GRM8: variants seen among roughly 807,000 people sequenced by gnomAD.
GRM8 encodes glutamate metabotropic receptor 8.
In GRM8, 47 loss-of-function variants were observed where a neutral mutation model predicts 87.2. The observed-to-expected ratio is 0.54, with a 90% CI of 0.43 to 0.69. The LOEUF (loss-of-function observed/expected upper bound fraction) is 0.69, where lower values mean the gene tolerates loss of function less well. Among genes scored for constraint, GRM8 ranks in the 30% least tolerant of loss-of-function variants. The pLI is 0.00. For missense variants in GRM8, 1,019 were observed against 1,139.2 expected (o/e 0.89, Z 1.52); for synonymous variants, 396 against 404.5 (o/e 0.98, Z 0.25).
chr7:126,809,157 T>C lies in GRM8; in HGVS notation c.1157-39092A>G, dbSNP rs536943385. ...AAAGAAGCAGTGGGGCATCTTGAAA[T>C]CTCTCTAACACAAGCCTTCTTCTTC... On this transcript the variant is annotated intron_variant, in intron 6 of 10. Coordinates refer to ENST00000339582, the MANE Select transcript of GRM8 (RefSeq NM_000845.3). Among the ~76,000 whole-genome samples, 8 of 152,270 alleles carry C rather than the reference T, an allele frequency of 5.3e-5. No individual in the cohort carries two copies. In the South Asian group the frequency reaches 1.7e-3, roughly 32 times the overall value.
In GRM8 at chr7:126,439,345, G is replaced by C. The variant is rs143544239; in HGVS notation, c.2678-177C>G. Among the ~76,000 whole-genome samples the C allele has an allele frequency of 7.2e-5, 11 of 152,130 alleles. No individual in the cohort carries two copies. In the East Asian group the frequency reaches 2.1e-3, roughly 29 times the overall value. On this transcript the variant is annotated intron_variant, in intron 10 of 10. Transcript: ENST00000339582. ...GCACAGCACAACGACATTTGAGCTC[G>C]ACAGCAGACTGCATTATATAAAGGT...
chr7:126,877,025 A>C (rs1799580083), intron 6 of GRM8, among the ~76,000 whole-genome samples: 1 of 151,966 alleles, frequency 6.6e-6, no homozygotes, highest in Non-Finnish European at 1.5e-5. Flanking sequence ...TCTACTACTC[A>C]GGGCAAACTT....
chr7:126,880,232 A>G (rs944359250), intron 6 of GRM8, among the ~76,000 whole-genome samples: 6 of 152,212 alleles, frequency 3.9e-5, no homozygotes, highest in African/African-American at 1.4e-4. Context: ...CCAAAAGAGA[A>G]CATTTTCAAA....
chr7:126,494,585 A>T (rs911217898), intron 9 of GRM8, among the ~76,000 whole-genome samples: 4 of 152,056 alleles, frequency 2.6e-5, no homozygotes, highest in Admixed American at 1.3e-4. Context: ...CTTGAGGAAG[A>T]CAGGTAAATC....
chr7:127,047,684 A>G (rs1467766393), intron 3 of GRM8, among the ~76,000 whole-genome samples: 1 of 152,118 alleles, frequency 6.6e-6, no homozygotes, highest in Non-Finnish European at 1.5e-5. Context: ...AGAAACACTT[A>G]GCCAGGCATG....
chr7:126,770,384 G>C (rs199970085), intron 6 of GRM8, among the ~76,000 whole-genome samples: 2 of 152,018 alleles, frequency 1.3e-5, no homozygotes, highest in East Asian at 1.9e-4. Context: ...GTAGTGGCTT[G>C]ATCTTTTAAG....
At chr7:127,013,092 A>G (rs138983254) in intron 3 of GRM8, among the ~76,000 whole-genome samples, 5 of 152,218 alleles carry the variant, frequency 3.3e-5, no homozygotes, top group Non-Finnish European at 7.4e-5. Context: ...TGTGGTTGAA[A>G]CCACTTTTAA....
intron 9 of GRM8, among the ~76,000 whole-genome samples, chr7:126,508,081 A>C (rs1810760759): frequency 2.0e-5 from 3 of 151,876 alleles, no homozygotes; most frequent in Admixed American, 6.6e-5. Context: ...TAGAGTATTC[A>C]TTAATTATGA....
intron 3 of GRM8, among the ~76,000 whole-genome samples, chr7:126,915,696 G>T (rs544116316): frequency 1.3e-5 from 2 of 152,150 alleles, no homozygotes; most frequent in African/African-American, 4.8e-5. Flanking sequence ...TAAAAGAAGA[G>T]AACCAGGAAG....
intron 2 of GRM8, among the ~76,000 whole-genome samples, chr7:127,120,894 T>C (rs1017332365): frequency 1.3e-5 from 2 of 152,208 alleles, no homozygotes; most frequent in Non-Finnish European, 2.9e-5. Flanking sequence ...AATGCTAGCA[T>C]GGAGTTTATT....
rs180816855 is a variant in GRM8, at chr7:127,216,853, G to T, written c.510+25842C>A. 2.8e-4 allele frequency among the ~76,000 whole-genome samples: 43 copies of T among 151,640 alleles called. No homozygotes were observed. In the Middle Eastern group the frequency reaches 0.014, roughly 48 times the overall value. ...TAGAATATTCTTAGTTCTTTACATGGGTCCCACTTCTCATCATGAGTCTCA... is the reference window on the plus strand; with the variant it reads ...TAGAATATTCTTAGTTCTTTACATGTGTCCCACTTCTCATCATGAGTCTCA... On this transcript the variant is annotated intron_variant, in intron 2 of 10. Transcript: ENST00000339582.
intron 3 of GRM8, among the ~76,000 whole-genome samples, chr7:126,924,634 C>G (rs1200749501): frequency 6.6e-6 from 1 of 152,028 alleles, no homozygotes; most frequent in East Asian, 1.9e-4. Context: ...TTCTTTCCTC[C>G]CTTCCTTCTG....
chr7:126,891,355 C>T (rs1440902430), intron 6 of GRM8, among the ~76,000 whole-genome samples: 1 of 151,936 alleles, frequency 6.6e-6, no homozygotes, highest in African/African-American at 2.4e-5. Flanking sequence ...CAGTGTTATG[C>T]CTCACCAATA....
At chr7:126,608,986 T>A (rs17610771) in intron 8 of GRM8, among the ~76,000 whole-genome samples, 20,166 of 151,988 alleles carry the variant, frequency 0.13, 1,659 homozygotes, top group Non-Finnish European at 0.18. Context: ...AGATGTGACC[T>A]TTTTTTAAGC....
At chr7:127,217,819 C>T (rs1284648727) in intron 2 of GRM8, among the ~76,000 whole-genome samples, 1 of 152,200 alleles carries the variant, frequency 6.6e-6, no homozygotes, top group Non-Finnish European at 1.5e-5. Flanking sequence ...AGATAGTCTA[C>T]AGAATATCAG....
intron 6 of GRM8, among the ~76,000 whole-genome samples, chr7:126,850,716 T>C (rs572232154): frequency 6.6e-6 from 1 of 152,298 alleles, no homozygotes; most frequent in Non-Finnish European, 1.5e-5. Context: ...CAGTTAATAA[T>C]CGAAATAGGA....
chr7:126,465,287 G>A (rs970898630), intron 9 of GRM8: 14 of 150,784 alleles, frequency 9.3e-5, no homozygotes, highest in African/African-American at 2.7e-4. Flanking sequence ...GACTGTCTTC[G>A]CTCTTCTTGG....
At chr7:126,777,104 T>C (rs1336642873) in intron 6 of GRM8, among the ~76,000 whole-genome samples, 4 of 152,144 alleles carry the variant, frequency 2.6e-5, no homozygotes, top group Non-Finnish European at 4.4e-5. Flanking sequence ...TGTGTCACCA[T>C]ATTTCCATTA....
chr7:126,986,887 T>C (rs1812129012), intron 3 of GRM8, among the ~76,000 whole-genome samples: 1 of 152,244 alleles, frequency 6.6e-6, no homozygotes, highest in African/African-American at 2.4e-5. Flanking sequence ...ACTTGCTACA[T>C]CAGGCAATGT....
Sources: gnomAD v4.1 joint callset for allele counts (sites outside exome capture counted in the v4.1 genomes callset) on GRCh38, gnomAD v4.1.1 for gene constraint, MANE v1.5 for transcripts, NCBI Gene and HGNC (gene_info 2026-07-23, HGNC 2026-07-21) for gene names.